The following OPCML variants were observed in gnomAD, a reference collection of about 807,000 sequenced individuals.
OPCML encodes the protein opioid binding protein/cell adhesion molecule like.
In OPCML, 13 loss-of-function variants were observed where a neutral mutation model predicts 37.8. That is an observed-to-expected ratio of 0.34 (90% CI 0.22 to 0.55). The LOEUF is 0.55. Among genes scored for constraint, OPCML ranks in the 20% least tolerant of loss-of-function variants. The probability of loss-of-function intolerance (pLI) is 0.91; values close to 1 mark genes in which losing one functional copy is unlikely to be tolerated. For missense variants in OPCML, 341 were observed against 435.6 expected, an observed-to-expected ratio of 0.78 and a Z score of 1.93; for synonymous variants, 176 against 168.8, an observed-to-expected ratio of 1.04 and a Z score of -0.33.
chr11:132,583,058 G>A (rs895937299), intron 3 of OPCML, among the ~76,000 whole-genome samples: 4 of 151,418 alleles, frequency 2.6e-5, no homozygotes, highest in Non-Finnish European at 4.4e-5. Flanking sequence ...TGGTTTTTTT[G>A]TTTTGTTTTG....
At chr11:133,042,283 C>A (rs1056173349) in intron 1 of OPCML, among the ~76,000 whole-genome samples, 3 of 152,220 alleles carry the variant, frequency 2.0e-5, no homozygotes, top group Non-Finnish European at 2.9e-5. Context: ...TCCTGGGAGC[C>A]TAATGGATAG....
intron 1 of OPCML, among the ~76,000 whole-genome samples, chr11:133,105,857 C>T (rs1949148414): frequency 6.6e-6 from 1 of 152,110 alleles, no homozygotes. Context: ...TGGCGGGTGC[C>T]TGTAATCCCA....
In OPCML at chr11:133,207,466, G is replaced by A. The variant is rs887645683; in HGVS notation, c.62-264456C>T. ...GTGATAATGATGATCCAGTTTAAAG[G>A]GTTTAAACTGTCATACCGTGATTCT... On this transcript the variant is annotated intron_variant, in intron 1 of 7. Transcript: ENST00000524381. Among the ~76,000 whole-genome samples the A allele has an allele frequency of 3.3e-5, 5 of 152,040 alleles. No individual in the cohort carries two copies. In the East Asian group the frequency reaches 9.7e-4, roughly 29 times the overall value.
intron 1 of OPCML, among the ~76,000 whole-genome samples, chr11:133,331,815 T>G (rs970685380): frequency 6.6e-6 from 1 of 152,192 alleles, no homozygotes; most frequent in African/African-American, 2.4e-5. Flanking sequence ...TTTCCTGTAT[T>G]TGATTTACAT....
chr11:133,256,909 G>A (rs1275948560), intron 1 of OPCML, among the ~76,000 whole-genome samples: 1 of 152,168 alleles, frequency 6.6e-6, no homozygotes, highest in Admixed American at 6.5e-5. Context: ...ACTGAACCAT[G>A]TGAGTTCTAT....
chr11:133,025,289 A>C (rs1947530328), intron 1 of OPCML: 43 of 956,946 alleles, frequency 4.5e-5, no homozygotes, highest in Non-Finnish European at 5.3e-5. Flanking sequence ...TCCACGTACT[A>C]GGACAGTCCA....
At chr11:133,018,196 C>T (rs1947374261) in intron 1 of OPCML, among the ~76,000 whole-genome samples, 1 of 152,096 alleles carries the variant, frequency 6.6e-6, no homozygotes, top group Non-Finnish European at 1.5e-5. Context: ...TTGAAAAACC[C>T]ATTAAGGAAC....
At chr11:132,711,338 T>C (rs572418833) in intron 2 of OPCML, among the ~76,000 whole-genome samples, 2 of 152,266 alleles carry the variant, frequency 1.3e-5, no homozygotes, top group East Asian at 3.9e-4. Flanking sequence ...AAGAATGACA[T>C]TCAATAGGGC....
intron 1 of OPCML, among the ~76,000 whole-genome samples, chr11:132,996,469 A>T (rs1462603238): frequency 1.3e-5 from 2 of 151,466 alleles, no homozygotes; most frequent in Admixed American, 6.6e-5. Flanking sequence ...AAAAAAAAAA[A>T]ATACAAAAAT....
chr11:132,420,379 C>T (rs2095954046), intron 7 of OPCML, 86 bp from the exon 8 acceptor site: 11 of 1,534,828 alleles, frequency 7.2e-6, no homozygotes, highest in Non-Finnish European at 8.8e-6. Context: ...CACATACATG[C>T]TTCCCACCTT....
At chr11:132,584,250 T>C (rs533310295) in intron 3 of OPCML, among the ~76,000 whole-genome samples, 3 of 152,196 alleles carry the variant, frequency 2.0e-5, no homozygotes, top group African/African-American at 7.2e-5. Context: ...AATATAGTAG[T>C]GGTATCATCT....
intron 2 of OPCML, among the ~76,000 whole-genome samples, chr11:132,824,611 A>G (rs1002494284): frequency 6.6e-6 from 1 of 152,138 alleles, no homozygotes; most frequent in Non-Finnish European, 1.5e-5. Flanking sequence ...CTGCTTCTCC[A>G]CTGAAATGGC....
chr11:133,351,920 T>A (rs536594281), intron 1 of OPCML, among the ~76,000 whole-genome samples: 1 of 152,154 alleles, frequency 6.6e-6, no homozygotes, highest in East Asian at 1.9e-4. Context: ...ATCTTGACTT[T>A]TTCTGTTTTT....
chr11:133,038,848 C>T (rs1229304752), intron 1 of OPCML, among the ~76,000 whole-genome samples: 3 of 150,996 alleles, frequency 2.0e-5, no homozygotes, highest in Non-Finnish European at 4.4e-5. Flanking sequence ...AACCCTGCTG[C>T]CATTTTTGGT....
intron 2 of OPCML, among the ~76,000 whole-genome samples, chr11:132,870,365 T>C (rs1381360998): frequency 6.6e-6 from 1 of 152,170 alleles, no homozygotes; most frequent in Admixed American, 6.5e-5. Context: ...GGATAACACA[T>C]GTTGGCCAGT....
chr11:132,687,861 CT>C lies in OPCML; in HGVS notation c.147-30543del, dbSNP rs536711071. On this transcript the variant is annotated intron_variant, in intron 2 of 7. Coordinates refer to ENST00000524381, the MANE Select transcript of OPCML (RefSeq NM_001012393.5). ...ACTCACTGAAAAGTAGAGGGGTAGA[CT>C]TTTTTAGAGCTAAATGTTTGGTATA... Among the ~76,000 whole-genome samples the C allele has an allele frequency of 2.6e-4, 39 of 152,152 alleles. No homozygotes were observed. In the East Asian group the frequency reaches 7.4e-3, roughly 29 times the overall value.
At chr11:133,131,917 AT>A (rs1248055453) in intron 1 of OPCML, among the ~76,000 whole-genome samples, 1 of 152,212 alleles carries the variant, frequency 6.6e-6, no homozygotes, top group Non-Finnish European at 1.5e-5. Flanking sequence ...CATATGCAAA[AT>A]AATGGACTTC....
At chr11:133,483,388 A>G (rs2092511662) in intron 1 of OPCML, among the ~76,000 whole-genome samples, 1 of 150,460 alleles carries the variant, frequency 6.6e-6, no homozygotes, top group African/African-American at 2.5e-5. Flanking sequence ...GATAGATAAC[A>G]TAGATAAATA....
chr11:133,525,056 C>G (rs1216699167), intron 1 of OPCML, among the ~76,000 whole-genome samples: 1 of 152,204 alleles, frequency 6.6e-6, no homozygotes, highest in Non-Finnish European at 1.5e-5. Flanking sequence ...CAGGTGTGGT[C>G]TCTGCCTGTA....
Sources: gnomAD v4.1 joint callset for allele counts (sites outside exome capture counted in the v4.1 genomes callset) on GRCh38, gnomAD v4.1.1 for gene constraint, MANE v1.5 for transcripts, NCBI Gene and HGNC (gene_info 2026-07-23, HGNC 2026-07-21) for gene names.